UBAC2: variants seen among roughly 807,000 people sequenced by gnomAD.
UBAC2 encodes UBA domain containing 2.
Under a neutral mutation model 44.0 loss-of-function variants are expected in UBAC2, and 26 were observed. That is an observed-to-expected ratio of 0.59 (90% CI 0.43 to 0.82). The LOEUF is 0.82. UBAC2 is among the 40% of genes least tolerant of loss of function. UBAC2 has a pLI of 0.00. For synonymous variants in UBAC2, 155 were observed against 154.3 expected, an observed-to-expected ratio of 1.00 and a Z score of -0.04; for missense variants, 329 against 419.4, an observed-to-expected ratio of 0.78 and a Z score of 1.88.
rs990226659 is a variant in UBAC2, at chr13:99,315,008, C to T, written c.513+788C>T. Among the ~76,000 whole-genome samples the T allele has an allele frequency of 4.1e-4, 62 of 152,164 alleles. 1 individual carries two copies. The highest frequency in any genetic ancestry group is 1.5e-4 in the Non-Finnish European group (10 of 68,026). On this transcript the variant is annotated intron_variant, in intron 5 of 8. Coordinates refer to ENST00000403766, the MANE Select transcript of UBAC2 (RefSeq NM_001144072.2). ...CTCATAACATTCCTTATCCCACGCA[C>T]TCTAACCGGATACTGGCGTCACTTC...
intron 4 of UBAC2, among the ~76,000 whole-genome samples, chr13:99,281,047 G>T (rs188211845): frequency 6.6e-6 from 1 of 152,186 alleles, no homozygotes; most frequent in Non-Finnish European, 1.5e-5. Context: ...TAAGCCAGGT[G>T]TGTTGGCGGG....
chr13:99,306,499 AC>A (rs1371428556), intron 4 of UBAC2, among the ~76,000 whole-genome samples: 1 of 152,054 alleles, frequency 6.6e-6, no homozygotes, highest in African/African-American at 2.4e-5. Context: ...CACCAAAAAA[AC>A]AAAATACCAC....
chr13:99,313,141 A>G (rs968400040), intron 4 of UBAC2: 1 of 152,158 alleles, frequency 6.6e-6, no homozygotes, highest in African/African-American at 2.4e-5. Flanking sequence ...CCCACCACCA[A>G]GCCCGGCTAA....
chr13:99,204,941 G>T (rs1365551382), intron 1 of UBAC2, among the ~76,000 whole-genome samples: 1 of 119,512 alleles, frequency 8.4e-6, no homozygotes, highest in Non-Finnish European at 1.6e-5. Flanking sequence ...GTCTTGCTCT[G>T]TCGCCAGGCT....
rs116760906 is a variant in UBAC2 at position 99,356,076 on chromosome 13, C to T, written c.808-11711C>T. 3.2e-3 allele frequency: 1,600 copies of T among 498,612 alleles called. 19 individuals carry two copies. Among genetic ancestry groups the T allele is most frequent in the African/African-American group, 0.028 (1,445 of 51,576 alleles). The allele number at this position is 498,612 out of a possible 1,614,324, so 30.9% of individuals were successfully genotyped here. A position where few individuals can be genotyped will look rare whatever the true frequency, so the allele number is the denominator to read the frequency against. On this transcript the variant is annotated intron_variant, in intron 7 of 8. Transcript: ENST00000403766. ...CAGCTGTGCTAGGTATGTCAGGCCT[C>T]TGAAAAGAAATGTCATTAAAGTAAA...
chr13:99,270,614 A>T (rs933678324), intron 4 of UBAC2, among the ~76,000 whole-genome samples: 4 of 152,216 alleles, frequency 2.6e-5, no homozygotes, highest in African/African-American at 9.7e-5. Flanking sequence ...AGGGAACGAG[A>T]GTTTGTACTT....
intron 7 of UBAC2, among the ~76,000 whole-genome samples, chr13:99,364,914 C>G (rs1390013580): frequency 6.6e-6 from 1 of 152,168 alleles, no homozygotes; most frequent in Admixed American, 6.5e-5. Flanking sequence ...TGAGAACGTT[C>G]TAGTCCATGT....
intron 2 of UBAC2, among the ~76,000 whole-genome samples, chr13:99,241,974 C>A (rs2043306881): frequency 6.6e-6 from 1 of 150,552 alleles, no homozygotes; most frequent in Non-Finnish European, 1.5e-5. Flanking sequence ...ATCTGTTTAA[C>A]AAAGCACATC....
chr13:99,324,742 C>T (rs143093022), intron 6 of UBAC2, among the ~76,000 whole-genome samples: 2 of 152,214 alleles, frequency 1.3e-5, no homozygotes, highest in African/African-American at 2.4e-5. Context: ...CAACAGAGTG[C>T]GTATTCAGTG....
chr13:99,319,563 A>G (rs763901955), intron 6 of UBAC2, among the ~76,000 whole-genome samples: 1 of 152,186 alleles, frequency 6.6e-6, no homozygotes, highest in Non-Finnish European at 1.5e-5. Flanking sequence ...TGTTCCCCAC[A>G]GCTGATATGC....
At chr13:99,364,765 T>G (rs1311627507) in intron 7 of UBAC2, among the ~76,000 whole-genome samples, 3 of 152,226 alleles carry the variant, frequency 2.0e-5, no homozygotes, top group Non-Finnish European at 4.4e-5. Context: ...GATTCAGCCA[T>G]ATTGTTGCAT....
At chr13:99,340,671 C>A (rs2044872482) in intron 7 of UBAC2, 106 bp downstream of exon 7, 1 of 1,271,856 alleles carries the variant, frequency 7.9e-7, no homozygotes, top group Non-Finnish European at 1.1e-6. Context: ...ATTCCAGTGC[C>A]TTGCAAGTGG....
At chr13:99,304,774 T>G (rs537629950) in intron 4 of UBAC2, among the ~76,000 whole-genome samples, 17 of 152,336 alleles carry the variant, frequency 1.1e-4, no homozygotes, top group South Asian at 6.2e-4. Flanking sequence ...ACCTAGCTGT[T>G]AAATGTTAGG....
chr13:99,299,925 C>T (rs1397841157), intron 4 of UBAC2, among the ~76,000 whole-genome samples: 1 of 152,158 alleles, frequency 6.6e-6, no homozygotes, highest in African/African-American at 2.4e-5. Flanking sequence ...ATGCTAGATC[C>T]CTCTCTGTGA....
intron 1 of UBAC2, among the ~76,000 whole-genome samples, chr13:99,203,117 A>G (rs1164798625): frequency 6.6e-6 from 1 of 151,578 alleles, no homozygotes; most frequent in Middle Eastern, 3.4e-3. Context: ...GCTCACTGCA[A>G]CCTCCGCCTC....
chr13:99,376,721 G>A (rs1024284732), intron 8 of UBAC2, among the ~76,000 whole-genome samples: 1 of 152,186 alleles, frequency 6.6e-6, no homozygotes, highest in African/African-American at 2.4e-5. Context: ...GAAGTTAGAG[G>A]AAGGAATCAT....
intron 1 of UBAC2, among the ~76,000 whole-genome samples, chr13:99,202,158 G>A (rs2042811855): frequency 6.6e-6 from 1 of 151,730 alleles, no homozygotes; most frequent in Non-Finnish European, 1.5e-5. Context: ...CTGACAGTGA[G>A]TTAGTATCAG....
Position 99,215,285 on chromosome 13 carries a change from A to T in UBAC2, c.31+14346A>T, listed in dbSNP as rs115773909. 3.1e-3 allele frequency: 2,210 copies of T among 715,810 alleles called. 38 individuals are homozygous for T. In the African/African-American group the frequency reaches 0.034, roughly 11 times the overall value. 44.3% of individuals were successfully genotyped at this position (715,810 alleles called of 1,614,324 possible). A position where few individuals can be genotyped will look rare whatever the true frequency, so the allele number is the denominator to read the frequency against. On this transcript the variant is annotated intron_variant, in intron 1 of 8. Coordinates refer to ENST00000403766, the MANE Select transcript of UBAC2 (RefSeq NM_001144072.2). ...ACAAAAAGACAAAATTGTGTTTTTCACAGAAATATAGTCCACTGGCATCAC... is the reference window on the plus strand; with the variant it reads ...ACAAAAAGACAAAATTGTGTTTTTCTCAGAAATATAGTCCACTGGCATCAC...
At chr13:99,374,220 C>T (rs2045448587) in intron 8 of UBAC2, among the ~76,000 whole-genome samples, 1 of 151,054 alleles carries the variant, frequency 6.6e-6, no homozygotes, top group Non-Finnish European at 1.5e-5. Context: ...CTTCAGGTTG[C>T]TTTTTTTTTA....
Sources: allele counts gnomAD v4.1 joint callset (sites outside exome capture counted in the v4.1 genomes callset), GRCh38; gene constraint gnomAD v4.1.1; transcripts MANE v1.5; gene names NCBI Gene and HGNC (gene_info 2026-07-23, HGNC 2026-07-21).